Variants in ADORA2B observed in about 807,000 individuals in gnomAD.
ADORA2B encodes adenosine A2b receptor.
In ADORA2B, 18 loss-of-function variants were observed where a neutral mutation model predicts 20.8. That is an observed-to-expected ratio of 0.87 (90% CI 0.60 to 1.29). ADORA2B has a LOEUF of 1.29. Ranked by LOEUF, ADORA2B falls within the 50% of genes most tolerant of loss-of-function variation. The pLI is 0.00. For synonymous variants in ADORA2B, 179 were observed against 178.3 expected (o/e 1.00, Z -0.03); for missense variants, 441 against 422.7 (o/e 1.04, Z -0.38).
chr17:15,902,314 C>T, the ADORA2B span, among the ~76,000 whole-genome samples: 3 of 152,046 alleles, frequency 2.0e-5, no homozygotes, highest in Non-Finnish European at 2.9e-5. Context: ...CAGGTTCAAG[C>T]GATTCTCCTG....
the ADORA2B span, among the ~76,000 whole-genome samples, chr17:15,867,237 TG>T: frequency 6.7e-6 from 1 of 150,106 alleles, no homozygotes; most frequent in African/African-American, 2.5e-5. Context: ...CATCTCTGCC[TG>T]GCCGCCCATT....
chr17:15,862,218 T>TC, the ADORA2B span, among the ~76,000 whole-genome samples: 1 of 113,944 alleles, frequency 8.8e-6, no homozygotes, highest in African/African-American at 5.4e-5. Context: ...TTTCTTTTTT[T>TC]TTTTTTTTTT....
chr17:15,957,821 C>T (rs776930268), intron 1 of ADORA2B, among the ~76,000 whole-genome samples: 2 of 152,140 alleles, frequency 1.3e-5, no homozygotes. Flanking sequence ...TTTGGTGTGC[C>T]ACCTGTTTTG....
At chr17:15,902,542 C>A in the ADORA2B span, among the ~76,000 whole-genome samples, 1 of 152,166 alleles carries the variant, frequency 6.6e-6, no homozygotes, top group African/African-American at 2.4e-5. Context: ...TCCCATTGTA[C>A]GGATAAACCA....
the ADORA2B span, among the ~76,000 whole-genome samples, chr17:15,856,668 A>T: frequency 1.8e-4 from 27 of 152,312 alleles, no homozygotes; most frequent in South Asian, 4.8e-3. Flanking sequence ...TCAGATGGGG[A>T]TGAGGAACTT....
At chr17:15,903,589 C>T in the ADORA2B span, among the ~76,000 whole-genome samples, 910 of 152,176 alleles carry the variant, frequency 6.0e-3, 13 homozygotes, top group African/African-American at 0.02. Flanking sequence ...CCCAGCCCAT[C>T]CCCACCCTAG....
chr17:15,886,752 G>A, the ADORA2B span, among the ~76,000 whole-genome samples: 1 of 130,982 alleles, frequency 7.6e-6, no homozygotes, highest in Admixed American at 7.4e-5. Context: ...CAGAGGCCTG[G>A]AGTGTGGTCC....
chr17:15,947,222 G>A (rs192257008), intron 1 of ADORA2B, among the ~76,000 whole-genome samples: 36 of 152,272 alleles, frequency 2.4e-4, no homozygotes, highest in African/African-American at 8.2e-4. Context: ...TGGTGTCATC[G>A]TTGTTACTTG....
At chr17:15,927,869 G>A in the ADORA2B span, among the ~76,000 whole-genome samples, 1 of 152,172 alleles carries the variant, frequency 6.6e-6, no homozygotes, top group African/African-American at 2.4e-5. Flanking sequence ...ACATCCAAGT[G>A]GAGAAGGTGA....
the ADORA2B span, among the ~76,000 whole-genome samples, chr17:15,904,350 G>A: frequency 1.3e-5 from 2 of 148,564 alleles, no homozygotes; most frequent in Admixed American, 1.3e-4. Context: ...AGATCACACA[G>A]ATTTTCACCT....
chr17:15,882,262 G>A, the ADORA2B span, among the ~76,000 whole-genome samples: 4 of 152,240 alleles, frequency 2.6e-5, no homozygotes, highest in South Asian at 4.2e-4. Flanking sequence ...GGTGGTGGCC[G>A]GTGGCTGAGA....
At chr17:15,863,833 A>T in the ADORA2B span, among the ~76,000 whole-genome samples, 21 of 152,338 alleles carry the variant, frequency 1.4e-4, no homozygotes, top group Admixed American at 1.2e-3. Context: ...AAATGTAGCA[A>T]AACTCTCCCC....
the ADORA2B span, among the ~76,000 whole-genome samples, chr17:15,862,459 C>T: frequency 6.6e-6 from 1 of 152,154 alleles, no homozygotes; most frequent in African/African-American, 2.4e-5. Flanking sequence ...GATCTGCCCA[C>T]TTCAGCCTCC....
chr17:15,966,937 C>T lies in ADORA2B; in HGVS notation c.336-7742C>T, dbSNP rs551307072. On this transcript the variant is annotated intron_variant, in intron 1 of 1. Coordinates refer to ENST00000304222, the MANE Select transcript of ADORA2B (RefSeq NM_000676.4). ...CTCTGCAGCAGAGCAGTGACTGCCA[C>T]GGGCTGGCGAACGGAAGGACGGAAG... Among the ~76,000 whole-genome samples, 10 of 152,356 alleles carry T rather than the reference C, an allele frequency of 6.6e-5. No homozygotes were observed. In the East Asian group the frequency reaches 1.9e-3, roughly 29 times the overall value.
At chr17:15,863,989 T>C in the ADORA2B span, 1 of 172,934 alleles carries the variant, frequency 5.8e-6, no homozygotes, top group Non-Finnish European at 1.3e-5. Context: ...AGGTATTTAG[T>C]TCTTGTGAAT....
the ADORA2B span, among the ~76,000 whole-genome samples, chr17:15,854,598 T>C: frequency 6.6e-6 from 1 of 152,236 alleles, no homozygotes; most frequent in Admixed American, 6.5e-5. Flanking sequence ...TTTGTTCAGC[T>C]CATTTCAAAA....
the ADORA2B span, among the ~76,000 whole-genome samples, chr17:15,865,828 A>ATT: frequency 5.0e-5 from 7 of 140,336 alleles, no homozygotes; most frequent in African/African-American, 1.9e-4. Context: ...TTTTGCATGT[A>ATT]TCTTTTTTTT....
the ADORA2B span, among the ~76,000 whole-genome samples, chr17:15,877,289 C>G: frequency 6.6e-6 from 1 of 152,152 alleles, no homozygotes; most frequent in Admixed American, 6.5e-5. Context: ...TTCCTTTGTT[C>G]CACTGGTATC....
the ADORA2B span, among the ~76,000 whole-genome samples, chr17:15,892,006 GC>G: frequency 4.8e-5 from 7 of 146,506 alleles, no homozygotes; most frequent in Admixed American, 2.7e-4. Context: ...GCACCACCAT[GC>G]CCAGCTAATT....
Sources: gnomAD v4.1 joint callset for allele counts (sites outside exome capture counted in the v4.1 genomes callset) on GRCh38, gnomAD v4.1.1 for gene constraint, MANE v1.5 for transcripts, NCBI Gene and HGNC (gene_info 2026-07-23, HGNC 2026-07-21) for gene names.